RUSC2: variants seen among roughly 807,000 people sequenced by gnomAD.
RUSC2 encodes the protein AP-4 complex accessory subunit RUSC2.
In RUSC2, 34 loss-of-function variants were observed where a neutral mutation model predicts 122.2. The observed-to-expected ratio is 0.28, with a 90% confidence interval of 0.21 to 0.37. RUSC2 has a LOEUF of 0.37. Among genes scored for constraint, RUSC2 ranks in the 10% least tolerant of loss-of-function variants. RUSC2 has a pLI of 1.00. For synonymous variants in RUSC2, 784 were observed against 790.0 expected, an observed-to-expected ratio of 0.99 and a Z score of 0.13; for missense variants, 1,747 against 1,952.4, an observed-to-expected ratio of 0.89 and a Z score of 1.98.
At chr9:35,502,631 C>A (rs1181876109) in intron 1 of RUSC2, among the ~76,000 whole-genome samples, 1 of 152,096 alleles carries the variant, frequency 6.6e-6, no homozygotes, top group East Asian at 1.9e-4. Flanking sequence ...AATATATGCT[C>A]ACTGTAGAGA....
chr9:35,503,447 T>C (rs933114802), intron 1 of RUSC2, among the ~76,000 whole-genome samples: 14 of 152,338 alleles, frequency 9.2e-5, no homozygotes, highest in African/African-American at 2.6e-4. Flanking sequence ...TTTTATTCCA[T>C]TTTATGGCTG....
Position 35,558,305 on chromosome 9 carries a change from C to G in RUSC2, c.3169C>G (p.Leu1057Val). The G allele has an allele frequency of 6.2e-7, 1 of 1,614,190 alleles. No individual in the cohort carries two copies. Among genetic ancestry groups the G allele is most frequent in the Non-Finnish European group, 8.5e-7 (1 of 1,180,042 alleles). The change falls in exon 7 of 12, where the codon CTG becomes GTG. Residue 1057 changes from leucine to valine, a missense_variant. Coordinates refer to ENST00000361226, the MANE Select transcript of RUSC2 (RefSeq NM_014806.5). This position sits in a 1 kb window ranked among gnomAD's most constrained non-coding sequence, Gnocchi z 4.3. ...VLEDGLKAFV[L>V]DVIIGQRKNM... ...GGAGGATGGGCTCAAGGCCTTTGTACTGGACGTCATCATCGGGCAGCGTAA... is the reference window on the plus strand; with the variant it reads ...GGAGGATGGGCTCAAGGCCTTTGTAGTGGACGTCATCATCGGGCAGCGTAA...
At chr9:35,517,323 G>T (rs1049990169) in intron 1 of RUSC2, among the ~76,000 whole-genome samples, 4 of 152,228 alleles carry the variant, frequency 2.6e-5, no homozygotes, top group Non-Finnish European at 4.4e-5. Context: ...GGATCGCTGG[G>T]CTAGAAAGAC....
Position 35,548,351 on chromosome 9 carries a change from C to A in RUSC2, c.1830C>A (p.Gly610=). ...TGGGGCCAGGCATGGACCTACTTGG[C>A]CCAGACCCAAGTCCACCCTGGTCCA... ...MPLGPGMDLL[G]PDPSPPWSTQ... The change falls in exon 2 of 12, where the codon GGC becomes GGA. Residue 610 remains glycine (G), a synonymous_variant. Transcript: ENST00000361226. This position sits in a 1 kb window ranked among gnomAD's most constrained non-coding sequence, Gnocchi z 4.5. 1 of 1,614,052 alleles carries A rather than the reference C, an allele frequency of 6.2e-7. No individual in the cohort carries two copies. The highest frequency in any genetic ancestry group is 1.1e-5 in the South Asian group (1 of 91,086).
At chr9:35,543,176 A>G (rs1821675626) in intron 1 of RUSC2, among the ~76,000 whole-genome samples, 1 of 152,200 alleles carries the variant, frequency 6.6e-6, no homozygotes, top group Admixed American at 6.5e-5. Context: ...CTGTAATCCT[A>G]GCACTTTGGA....
rs754255711 is a variant in RUSC2 at position 35,547,832 on chromosome 9, A to C, written c.1311A>C (p.Pro437=). The change falls in exon 2 of 12, where the codon CCA becomes CCC. Residue 437 remains proline (P), a synonymous_variant. Coordinates refer to ENST00000361226, the MANE Select transcript of RUSC2 (RefSeq NM_014806.5). This position sits in a 1 kb window ranked among gnomAD's most constrained non-coding sequence, Gnocchi z 4.6. ...CCCCACCAGGCCCTGGCCCAGACCCAGGCCCCAGCCAGCCCTCTGAGTATT... is the reference window on the plus strand; with the variant it reads ...CCCCACCAGGCCCTGGCCCAGACCCCGGCCCCAGCCAGCCCTCTGAGTATT... ...ISPPPGPGPD[P]GPSQPSEYYL... is the part of the protein sequence containing the mutation. 2.5e-6 allele frequency: 4 copies of C among 1,614,176 alleles called. No homozygotes were observed. The highest frequency in any genetic ancestry group is 1.3e-5 in the African/African-American group (1 of 75,042).
intron 1 of RUSC2, among the ~76,000 whole-genome samples, chr9:35,492,182 C>T (rs1368843347): frequency 6.6e-6 from 1 of 152,098 alleles, no homozygotes; most frequent in Non-Finnish European, 1.5e-5. Context: ...CCAGATAAAA[C>T]GCAGAGTGCC....
rs748997926 is a variant in RUSC2 at position 35,561,027 on chromosome 9, C to T, written c.4279C>T (p.Arg1427Cys). 6.2e-6 allele frequency: 10 copies of T among 1,614,062 alleles called. No homozygotes were observed. The highest frequency in any genetic ancestry group is 1.7e-5 in the Admixed American group (1 of 59,996). ...FQLVAQTVGSRREPEPKESLQ... is the reference protein window; with the variant it reads ...FQLVAQTVGSCREPEPKESLQ... ...ACTAGTGGCGCAGACAGTGGGTTCC[C>T]GCCGGGAGCCAGAGCCCAAGGAGAG... is the stretch of plus-strand genomic sequence containing the variant. Residue 1427 changes from arginine (R) to cysteine (C), a missense_variant, in exon 11 of 12, where the codon CGC becomes TGC. Physicochemically the swap from Arg to Cys is radical, Grantham distance 180 (BLOSUM62 -3). Transcript: ENST00000361226.
Position 35,555,272 on chromosome 9 carries a change from G to A in RUSC2, c.2227G>A (p.Val743Ile). The change falls in exon 3 of 12, where the codon GTC becomes ATC. Residue 743 changes from valine to isoleucine, a missense_variant. Coordinates refer to ENST00000361226, the MANE Select transcript of RUSC2 (RefSeq NM_014806.5). This position sits in a 1 kb window ranked among gnomAD's most constrained non-coding sequence, Gnocchi z 4.6. ...GGCTGCCCCTGCTGCTCAAGTCTCA[G>A]TCCCAGCTCCCTCAGGGGAACCGCA... ...PLAAPAAQVS[V>I]PAPSGEPQAS... The A allele has an allele frequency of 6.2e-7, 1 of 1,613,468 alleles. No homozygotes were observed. The highest frequency in any genetic ancestry group is 8.5e-7 in the Non-Finnish European group (1 of 1,180,012).
intron 1 of RUSC2, among the ~76,000 whole-genome samples, chr9:35,541,223 C>G (rs1182911892): frequency 6.6e-6 from 1 of 152,058 alleles, no homozygotes; most frequent in Non-Finnish European, 1.5e-5. Flanking sequence ...CTACTTTCTT[C>G]TTATTCTGGA....
intron 1 of RUSC2, among the ~76,000 whole-genome samples, chr9:35,513,190 T>TTTGTTGTTGTTGTTG (rs147038968): frequency 4.7e-5 from 7 of 149,654 alleles, no homozygotes; most frequent in Non-Finnish European, 7.4e-5. Context: ...TATACTTTGT[T>TTTGTTGTTGTTGTTG]TTGTTGTTGT....
At chr9:35,533,438 C>T (rs1192210095) in intron 1 of RUSC2, among the ~76,000 whole-genome samples, 1 of 152,170 alleles carries the variant, frequency 6.6e-6, no homozygotes, top group East Asian at 1.9e-4. Flanking sequence ...CAAGCTCCTA[C>T]AGCAACTGCC....
Position 35,525,593 on chromosome 9 carries a change from A to G in RUSC2, c.-92-20837A>G, listed in dbSNP as rs529709227. On this transcript the variant is annotated intron_variant, in intron 1 of 11. Coordinates refer to ENST00000361226, the MANE Select transcript of RUSC2 (RefSeq NM_014806.5). ...GGCAGGCGGATCACCTGAGGCCAGG[A>G]GTTCGAGATCAGCTGGCCTACACGG... Among the ~76,000 whole-genome samples, 8 of 152,202 alleles carry G rather than the reference A, an allele frequency of 5.3e-5. No homozygotes were observed. In the South Asian group the frequency reaches 1.2e-3, roughly 24 times the overall value.
intron 9 of RUSC2, 113 bp downstream of exon 9, chr9:35,559,385 C>A (rs1306478852): frequency 3.3e-6 from 3 of 900,108 alleles, no homozygotes; most frequent in Non-Finnish European, 3.7e-6. Context: ...ACCACACAAG[C>A]GTTCATCCTC....
chr9:35,556,648 C>T (rs949337254), intron 5 of RUSC2, among the ~76,000 whole-genome samples, 200 bp downstream of exon 5: 1 of 152,024 alleles, frequency 6.6e-6, no homozygotes, highest in Non-Finnish European at 1.5e-5. Flanking sequence ...CATGGTGAAA[C>T]CCCATCTCTA....
chr9:35,526,340 C>T (rs754300760), intron 1 of RUSC2, among the ~76,000 whole-genome samples: 6 of 152,206 alleles, frequency 3.9e-5, no homozygotes, highest in African/African-American at 7.2e-5. Context: ...CCAAGGTTAC[C>T]GTCCTATTTT....
At chr9:35,517,721 G>T (rs1821136484) in intron 1 of RUSC2, among the ~76,000 whole-genome samples, 1 of 152,152 alleles carries the variant, frequency 6.6e-6, no homozygotes, top group Admixed American at 6.5e-5. Flanking sequence ...GCACAGACTG[G>T]GCCTATTTCC....
Position 35,547,326 on chromosome 9 carries a change from G to T in RUSC2, c.805G>T (p.Val269Leu). 1 of 1,614,218 alleles carries T rather than the reference G, an allele frequency of 6.2e-7. No homozygotes were observed. Residue 269 changes from valine (V) to leucine (L), a missense_variant, in exon 2 of 12, where the codon GTG becomes TTG. Coordinates refer to ENST00000361226, the MANE Select transcript of RUSC2 (RefSeq NM_014806.5). This position sits in a 1 kb window ranked among gnomAD's most constrained non-coding sequence, Gnocchi z 4.6. ...GGCAGCTGACCAGTCCATGGGCTAT[G>T]TGAGCGACTCCTCCTGCAACAGTTC... ...SEAADQSMGY[V>L]SDSSCNSSDG...
intron 1 of RUSC2, among the ~76,000 whole-genome samples, chr9:35,512,073 C>T (rs763717674): frequency 2.0e-5 from 3 of 151,994 alleles, no homozygotes; most frequent in Non-Finnish European, 4.4e-5. Context: ...CCCAGCTACT[C>T]GGGAGGATGA....
Sources: gnomAD v4.1 joint callset for allele counts (sites outside exome capture counted in the v4.1 genomes callset) on GRCh38, gnomAD v4.1.1 for gene constraint, Gnocchi (gnomAD v3.1) non-coding constraint, MANE v1.5 for transcripts, NCBI Gene and HGNC (gene_info 2026-07-23, HGNC 2026-07-21) for gene names.